GPHN: variants seen among roughly 807,000 people sequenced by gnomAD.
GPHN encodes gephyrin.
A neutral mutation model predicts 95.5 loss-of-function variants in GPHN; 17 were observed. The ratio of observed to expected loss-of-function variants is 0.18; its 90% CI spans 0.12 to 0.27. The LOEUF is 0.27. Among genes scored for constraint, GPHN ranks in the 10% least tolerant of loss-of-function variants. The probability of loss-of-function intolerance (pLI) is 1.00; values close to 1 mark genes in which losing one functional copy is unlikely to be tolerated. For missense variants in GPHN, 660 were observed against 978.1 expected, an observed-to-expected ratio of 0.67 and a Z score of 4.34; for synonymous variants, 320 against 322.5, an observed-to-expected ratio of 0.99 and a Z score of 0.08.
the GPHN span, among the ~76,000 whole-genome samples, chr14:67,314,305 C>G: frequency 6.6e-6 from 1 of 152,198 alleles, no homozygotes; most frequent in Non-Finnish European, 1.5e-5. Flanking sequence ...TCTTTTATCT[C>G]TGTAACTAAG....
chr14:66,525,041 A>G (rs949495091), intron 1 of GPHN, among the ~76,000 whole-genome samples: 20 of 152,058 alleles, frequency 1.3e-4, no homozygotes, highest in African/African-American at 4.6e-4. Flanking sequence ...GTCACGTGGT[A>G]TTTCTGGTTC....
intron 2 of GPHN, among the ~76,000 whole-genome samples, chr14:66,773,477 C>G (rs1013402262): frequency 6.6e-6 from 1 of 151,694 alleles, no homozygotes; most frequent in African/African-American, 2.4e-5. Context: ...CCTCAGCCTC[C>G]TGAGTAGCTG....
the GPHN span, among the ~76,000 whole-genome samples, chr14:67,507,063 T>A: frequency 6.6e-6 from 1 of 152,284 alleles, no homozygotes. Context: ...CCCAATTCCA[T>A]GAACAAAGAA....
At chr14:67,365,786 A>G in the GPHN span, among the ~76,000 whole-genome samples, 1 of 152,172 alleles carries the variant, frequency 6.6e-6, no homozygotes, top group Non-Finnish European at 1.5e-5. Context: ...ACCCTTCTGA[A>G]TCTCCTCAGC....
At chr14:66,938,906 A>C (rs2067257682) in intron 8 of GPHN, among the ~76,000 whole-genome samples, 1 of 152,222 alleles carries the variant, frequency 6.6e-6, no homozygotes, top group Non-Finnish European at 1.5e-5. Context: ...AATATGGTCA[A>C]ATGATTTTTG....
chr14:66,639,121 AAT>A (rs4058479), intron 1 of GPHN, among the ~76,000 whole-genome samples: 20 of 145,818 alleles, frequency 1.4e-4, no homozygotes, highest in Admixed American at 6.2e-4. Context: ...ACTGAAGGTA[AAT>A]ATATATATAT....
chr14:67,132,876 A>AT (rs999294844), intron 17 of GPHN, among the ~76,000 whole-genome samples: 3 of 150,918 alleles, frequency 2.0e-5, no homozygotes, highest in Admixed American at 2.0e-4. Flanking sequence ...TATGATATAT[A>AT]TTTTTTCATT....
chr14:66,990,288 A>T (rs1366967859), intron 9 of GPHN, among the ~76,000 whole-genome samples: 1 of 152,162 alleles, frequency 6.6e-6, no homozygotes, highest in Non-Finnish European at 1.5e-5. Context: ...ACAATTCGAG[A>T]TGAGATTTGG....
chr14:67,577,446 G>A, the GPHN span: 9 of 1,334,072 alleles, frequency 6.7e-6, no homozygotes, highest in African/African-American at 1.2e-4. Flanking sequence ...GCCCACCGCT[G>A]GGATACTTGC....
At chr14:66,542,090 T>G (rs2059373377) in intron 1 of GPHN, among the ~76,000 whole-genome samples, 1 of 152,214 alleles carries the variant, frequency 6.6e-6, no homozygotes, top group Admixed American at 6.5e-5. Flanking sequence ...CTCAGCTTTC[T>G]TGTCTCACTC....
chr14:66,914,129 A>G (rs1042069733), intron 5 of GPHN, among the ~76,000 whole-genome samples: 3 of 152,150 alleles, frequency 2.0e-5, no homozygotes, highest in African/African-American at 7.2e-5. Flanking sequence ...TCACATATGC[A>G]TACATACACA....
the GPHN span, among the ~76,000 whole-genome samples, chr14:67,424,323 A>T: frequency 2.0e-5 from 3 of 151,952 alleles, no homozygotes; most frequent in African/African-American, 7.2e-5. Flanking sequence ...GGTGATTAAG[A>T]AAGAATGAAG....
At chr14:66,630,178 C>A (rs2063737207) in intron 1 of GPHN, among the ~76,000 whole-genome samples, 1 of 152,056 alleles carries the variant, frequency 6.6e-6, no homozygotes, top group Admixed American at 6.5e-5. Flanking sequence ...ATAAGAGATG[C>A]TGAAAGGTAT....
intron 2 of GPHN, among the ~76,000 whole-genome samples, chr14:66,683,374 A>ATATATG (rs1566812797): frequency 1.6e-5 from 2 of 121,634 alleles, no homozygotes; most frequent in African/African-American, 7.5e-5. Context: ...ATATATATAT[A>ATATATG]TATATGTTCA....
the GPHN span, among the ~76,000 whole-genome samples, chr14:67,710,554 C>A: frequency 6.6e-6 from 1 of 152,126 alleles, no homozygotes; most frequent in South Asian, 2.1e-4. Context: ...ACACAATATT[C>A]TTTTTCATAT....
At chr14:67,357,026 T>C in the GPHN span, among the ~76,000 whole-genome samples, 12 of 152,228 alleles carry the variant, frequency 7.9e-5, no homozygotes, top group Admixed American at 7.8e-4. Context: ...ATGGCATCTT[T>C]GTGAAATGGG....
chr14:67,583,561 GTT>G, the GPHN span, among the ~76,000 whole-genome samples: 2 of 152,172 alleles, frequency 1.3e-5, no homozygotes, highest in African/African-American at 4.8e-5. Flanking sequence ...AGGGCCCTAA[GTT>G]TGTTTCTCTA....
chr14:66,813,923 A>G (rs143021370), intron 3 of GPHN, among the ~76,000 whole-genome samples: 171 of 152,218 alleles, frequency 1.1e-3, no homozygotes, highest in African/African-American at 4.0e-3. Context: ...ATGCCTGACC[A>G]GTAGAGAGTT....
the GPHN span, among the ~76,000 whole-genome samples, chr14:67,621,398 A>G: frequency 6.6e-6 from 1 of 152,052 alleles, no homozygotes; most frequent in South Asian, 2.1e-4. Context: ...TATAGGTCTT[A>G]TAGGCTCACT....
Sources: gnomAD v4.1 joint callset for allele counts (sites outside exome capture counted in the v4.1 genomes callset) on GRCh38, gnomAD v4.1.1 for gene constraint, MANE v1.5 for transcripts, NCBI Gene and HGNC (gene_info 2026-07-23, HGNC 2026-07-21) for gene names.